The following SUMF1 variants were observed in gnomAD, a reference collection of about 807,000 sequenced individuals.
SUMF1 encodes formylglycine-generating enzyme.
SUMF1 carries 48 observed loss-of-function variants against 47.6 expected under a neutral mutation model. The ratio of observed to expected loss-of-function variants is 1.01; its 90% confidence interval spans 0.80 to 1.28. SUMF1 has a LOEUF of 1.28. Ranked by LOEUF, SUMF1 falls within the 50% of genes most tolerant of loss-of-function variation. SUMF1 has a pLI of 0.00. For synonymous variants in SUMF1, 230 were observed against 192.1 expected, an observed-to-expected ratio of 1.20 and a Z score of -1.63; for missense variants, 571 against 485.4, an observed-to-expected ratio of 1.18 and a Z score of -1.66.
chr3:4,349,469 C>T (rs1301995858), intron 8 of SUMF1, among the ~76,000 whole-genome samples: 1 of 152,144 alleles, frequency 6.6e-6, no homozygotes, highest in Non-Finnish European at 1.5e-5. Context: ...TTTGACTCAG[C>T]AATACCATTC....
At chr3:4,264,044 TCTC>T (rs996336313) in intron 8 of SUMF1, among the ~76,000 whole-genome samples, 1 of 152,118 alleles carries the variant, frequency 6.6e-6, no homozygotes, top group African/African-American at 2.4e-5. Flanking sequence ...TTTATTTCCT[TCTC>T]CTAGTGACAA....
chr3:4,096,311 T>A (rs1039146049), intron 8 of SUMF1, among the ~76,000 whole-genome samples: 1 of 152,038 alleles, frequency 6.6e-6, no homozygotes, highest in African/African-American at 2.4e-5. Context: ...TATCTAAGGG[T>A]CTTTCTCCCA....
intron 8 of SUMF1, among the ~76,000 whole-genome samples, chr3:4,084,081 T>C (rs1692622218): frequency 6.6e-6 from 1 of 152,108 alleles, no homozygotes; most frequent in Non-Finnish European, 1.5e-5. Context: ...TAAATAGATA[T>C]AATTCAGAGG....
chr3:4,090,931 A>T (rs761260397), intron 8 of SUMF1, among the ~76,000 whole-genome samples: 2 of 151,994 alleles, frequency 1.3e-5, no homozygotes, highest in Non-Finnish European at 1.5e-5. Context: ...ATTACAAAAA[A>T]CTATCCAGGT....
intron 8 of SUMF1, among the ~76,000 whole-genome samples, chr3:4,288,188 C>G (rs1697673271): frequency 6.6e-6 from 1 of 152,182 alleles, no homozygotes; most frequent in African/African-American, 2.4e-5. Flanking sequence ...TGCTTCATCA[C>G]TGGTACATAG....
intron 8 of SUMF1, chr3:4,314,481 A>T (rs1429184600): frequency 1.3e-5 from 2 of 152,216 alleles, no homozygotes; most frequent in Admixed American, 1.3e-4. Flanking sequence ...TAAAACCCTA[A>T]TAAGTACTAC....
At chr3:4,450,063 C>T (rs754494463) in intron 2 of SUMF1, among the ~76,000 whole-genome samples, 1 of 152,164 alleles carries the variant, frequency 6.6e-6, no homozygotes, top group Non-Finnish European at 1.5e-5. Flanking sequence ...AATTCTACTA[C>T]ACCAGTGGCT....
At chr3:4,048,279 G>A (rs1340374094) in intron 9 of SUMF1, among the ~76,000 whole-genome samples, 1 of 152,122 alleles carries the variant, frequency 6.6e-6, no homozygotes, top group African/African-American at 2.4e-5. Flanking sequence ...ATCACATAGG[G>A]GAAGGAGACT....
chr3:4,325,539 G>A (rs112904151), intron 8 of SUMF1, among the ~76,000 whole-genome samples: 1,785 of 150,884 alleles, frequency 0.012, 17 homozygotes, highest in African/African-American at 0.036. Flanking sequence ...GTGTGTGTGT[G>A]TATATATGTG....
chr3:4,435,990 A>G (rs1018837047), intron 3 of SUMF1, among the ~76,000 whole-genome samples: 1 of 152,224 alleles, frequency 6.6e-6, no homozygotes, highest in African/African-American at 2.4e-5. Context: ...CTTCTTTAAA[A>G]TATGTACGAG....
intron 4 of SUMF1, 130 bp downstream of exon 4, chr3:4,419,934 A>G (rs1701835623): frequency 1.3e-6 from 1 of 786,970 alleles, no homozygotes; most frequent in African/African-American, 1.7e-5. Flanking sequence ...TTATTTTCCT[A>G]CCAATCAATT....
chr3:4,156,884 T>C (rs1470466013), intron 8 of SUMF1, among the ~76,000 whole-genome samples: 2 of 151,682 alleles, frequency 1.3e-5, no homozygotes, highest in Non-Finnish European at 2.9e-5. Context: ...AAGTGCAAAC[T>C]TGAATGAGTA....
At chr3:4,194,985 G>T (rs991551973) in intron 8 of SUMF1, among the ~76,000 whole-genome samples, 1 of 152,108 alleles carries the variant, frequency 6.6e-6, no homozygotes, top group African/African-American at 2.4e-5. Context: ...TTTAGGTTTT[G>T]AAGTCACTTA....
At chr3:4,297,005 T>G (rs1339541296) in intron 8 of SUMF1, among the ~76,000 whole-genome samples, 2 of 152,194 alleles carry the variant, frequency 1.3e-5, no homozygotes, top group African/African-American at 4.8e-5. Context: ...GAAGACGGAC[T>G]TTCCCCTGCT....
At chr3:4,148,369 G>A (rs886843417) in intron 8 of SUMF1, among the ~76,000 whole-genome samples, 3 of 152,104 alleles carry the variant, frequency 2.0e-5, no homozygotes, top group African/African-American at 7.2e-5. Context: ...CTTCAGTTTA[G>A]TAGGTGGAAA....
At position 4,376,322 on chromosome 3, in the gene SUMF1, T is replaced by C. The variant is rs762132368; in HGVS notation, c.1014+8A>G. 1 of 1,614,130 alleles carries C rather than the reference T, an allele frequency of 6.2e-7. No homozygotes were observed. Among genetic ancestry groups the C allele is most frequent in the South Asian group, 1.1e-5 (1 of 91,084 alleles). ...AGAACGGCAAAACAGTTTAGTGACATGACTTACCCTATGGCACATGTAGGA... is the reference window on the plus strand; with the variant it reads ...AGAACGGCAAAACAGTTTAGTGACACGACTTACCCTATGGCACATGTAGGA... On this transcript the variant is annotated splice_region_variant and intron_variant, in intron 8 of 8. Coordinates refer to ENST00000272902, the MANE Select transcript of SUMF1 (RefSeq NM_182760.4).
intron 7 of SUMF1, among the ~76,000 whole-genome samples, chr3:4,403,096 A>G (rs1701266767): frequency 6.6e-6 from 1 of 152,216 alleles, no homozygotes. Context: ...GCTATCTGCC[A>G]AACATGGTGC....
chr3:4,391,695 C>A (rs1700868893), intron 7 of SUMF1, among the ~76,000 whole-genome samples: 1 of 152,166 alleles, frequency 6.6e-6, no homozygotes, highest in Non-Finnish European at 1.5e-5. Context: ...GTTGCCCAGG[C>A]TGGTCTCGAA....
chr3:4,230,320 A>T (rs1176788779), intron 8 of SUMF1, among the ~76,000 whole-genome samples: 1 of 152,092 alleles, frequency 6.6e-6, no homozygotes, highest in African/African-American at 2.4e-5. Flanking sequence ...TGCCAATCAT[A>T]AGTATTGTGC....
Sources: allele counts gnomAD v4.1 joint callset (sites outside exome capture counted in the v4.1 genomes callset), GRCh38; gene constraint gnomAD v4.1.1; transcripts MANE v1.5; gene names NCBI Gene and HGNC (gene_info 2026-07-23, HGNC 2026-07-21).